Variants in BMPR1B observed in about 807,000 individuals in gnomAD.
BMPR1B encodes the protein bone morphogenetic protein receptor type 1B, also known as bone morphogenetic protein receptor type-1B.
Under a neutral mutation model 59.1 loss-of-function variants are expected in BMPR1B, and 12 were observed. That is an observed-to-expected ratio of 0.20 (90% confidence interval 0.13 to 0.33). BMPR1B has a LOEUF of 0.33. Ranked by LOEUF, BMPR1B falls within the 10% of genes least tolerant of loss-of-function variation. The pLI is 1.00. For missense variants in BMPR1B, 550 were observed against 610.9 expected (o/e 0.90, Z 1.05); for synonymous variants, 237 against 207.3 (o/e 1.14, Z -1.23).
intron 2 of BMPR1B, among the ~76,000 whole-genome samples, chr4:94,993,327 T>C (rs1248825264): frequency 6.6e-6 from 1 of 152,188 alleles, no homozygotes; most frequent in Non-Finnish European, 1.5e-5. Context: ...AATAGTCCTT[T>C]ATTCATAACA....
chr4:94,915,119 A>G (rs553001656), intron 2 of BMPR1B, among the ~76,000 whole-genome samples: 1 of 152,282 alleles, frequency 6.6e-6, no homozygotes, highest in African/African-American at 2.4e-5. Context: ...ACCAATAATA[A>G]ATGCCTTGAA....
chr4:95,053,325 T>C (rs1726665248), intron 3 of BMPR1B, among the ~76,000 whole-genome samples: 1 of 63,786 alleles, frequency 1.6e-5, no homozygotes, highest in South Asian at 4.8e-4. Context: ...GTGTGTGTGA[T>C]GTGCCTGTAC....
chr4:95,102,833 T>C (rs1730921414), intron 3 of BMPR1B, among the ~76,000 whole-genome samples: 1 of 152,076 alleles, frequency 6.6e-6, no homozygotes, highest in Non-Finnish European at 1.5e-5. Flanking sequence ...TATTATTTGC[T>C]TAATCTAGGG....
chr4:94,990,022 A>G (rs1428344659), intron 2 of BMPR1B, among the ~76,000 whole-genome samples: 1 of 152,252 alleles, frequency 6.6e-6, no homozygotes, highest in Non-Finnish European at 1.5e-5. Context: ...AAATTAGCAT[A>G]TTAGCAGTTT....
intron 2 of BMPR1B, among the ~76,000 whole-genome samples, chr4:94,993,760 C>CAAAAAAAA (rs34395946): frequency 5.8e-5 from 4 of 68,590 alleles, no homozygotes; most frequent in Non-Finnish European, 8.3e-5. Context: ...GACTCCATCT[C>CAAAAAAAA]AAAAAAAAAA....
chr4:95,126,964 A>G lies in BMPR1B; in HGVS notation c.585+1843A>G, dbSNP rs189193364. Among the ~76,000 whole-genome samples, 9 of 152,064 alleles carry G rather than the reference A, an allele frequency of 5.9e-5. No individual in the cohort carries two copies. The East Asian group carries it at 1.5e-3, about 26-fold the overall frequency. On this transcript the variant is annotated intron_variant, in intron 8 of 12. Coordinates refer to ENST00000515059, the MANE Select transcript of BMPR1B (RefSeq NM_001203.3). ...CTTTATACGTGCCCTTTAATTTTGC[A>G]TCTTTTCTTTTTCATAAAATGTCAA...
intron 1 of BMPR1B, among the ~76,000 whole-genome samples, chr4:94,865,549 C>G (rs1726188459): frequency 6.6e-6 from 1 of 151,972 alleles, no homozygotes; most frequent in African/African-American, 2.4e-5. Context: ...CGCCGCCACC[C>G]CTGGCTAATT....
intron 3 of BMPR1B, among the ~76,000 whole-genome samples, chr4:95,082,465 G>A (rs1349365572): frequency 2.0e-5 from 3 of 151,996 alleles, no homozygotes; most frequent in Non-Finnish European, 2.9e-5. Flanking sequence ...TAAAATGAGA[G>A]TAGTAACCCT....
At chr4:94,769,610 C>A (rs201173884) in intron 1 of BMPR1B, among the ~76,000 whole-genome samples, 103 of 144,890 alleles carry the variant, frequency 7.1e-4, no homozygotes, top group Admixed American at 1.0e-3. Context: ...AACACCTTCT[C>A]AAAAAAAAAA....
At chr4:95,024,087 G>A (rs529590118) in intron 3 of BMPR1B, among the ~76,000 whole-genome samples, 1 of 152,214 alleles carries the variant, frequency 6.6e-6, no homozygotes, top group Admixed American at 6.5e-5. Flanking sequence ...TTTATTAATA[G>A]CACTATTGAA....
intron 1 of BMPR1B, among the ~76,000 whole-genome samples, chr4:94,791,724 A>G (rs1409263619): frequency 6.6e-6 from 1 of 152,192 alleles, no homozygotes; most frequent in Non-Finnish European, 1.5e-5. Flanking sequence ...GTTAGGAAAA[A>G]CTAACCAAAA....
At chr4:94,759,828 A>G (rs1343541921) in intron 1 of BMPR1B, among the ~76,000 whole-genome samples, 1 of 152,244 alleles carries the variant, frequency 6.6e-6, no homozygotes, top group Non-Finnish European at 1.5e-5. Context: ...GCAATGCAAA[A>G]AAGTTTGTGT....
intron 3 of BMPR1B, among the ~76,000 whole-genome samples, chr4:95,070,133 C>G (rs1164814217): frequency 1.3e-5 from 2 of 152,076 alleles, no homozygotes; most frequent in East Asian, 3.9e-4. Context: ...AACAAACAAA[C>G]AAACAAAAAC....
At chr4:94,998,050 CA>C (rs893774317) in intron 3 of BMPR1B, among the ~76,000 whole-genome samples, 4 of 152,044 alleles carry the variant, frequency 2.6e-5, no homozygotes, top group Non-Finnish European at 5.9e-5. Context: ...AGAAGAAATA[CA>C]AAATTGTGAC....
intron 3 of BMPR1B, among the ~76,000 whole-genome samples, chr4:95,018,393 T>C (rs1385743495): frequency 6.6e-6 from 1 of 152,166 alleles, no homozygotes; most frequent in African/African-American, 2.4e-5. Context: ...AAACAAATAA[T>C]GAAGCCATTT....
intron 2 of BMPR1B, among the ~76,000 whole-genome samples, chr4:94,951,891 CTTT>C (rs1318000161): frequency 1.3e-5 from 2 of 151,906 alleles, no homozygotes; most frequent in Non-Finnish European, 2.9e-5. Flanking sequence ...TGGTCCTGGG[CTTT>C]TTTTGGTTGG....
chr4:94,775,582 T>G (rs1722334623), intron 1 of BMPR1B, among the ~76,000 whole-genome samples: 1 of 152,240 alleles, frequency 6.6e-6, no homozygotes, highest in Non-Finnish European at 1.5e-5. Flanking sequence ...GAATGACATT[T>G]TCCCTTGGAT....
At chr4:95,036,088 A>G (rs889010171) in intron 3 of BMPR1B, among the ~76,000 whole-genome samples, 1 of 151,958 alleles carries the variant, frequency 6.6e-6, no homozygotes, top group African/African-American at 2.4e-5. Flanking sequence ...CAGCTTGGTC[A>G]TTGTTGGTGT....
At chr4:94,895,213 A>G (rs1367707543) in intron 2 of BMPR1B, among the ~76,000 whole-genome samples, 1 of 151,952 alleles carries the variant, frequency 6.6e-6, no homozygotes, top group African/African-American at 2.4e-5. Context: ...AATGTCCCTC[A>G]TTGCTTGGAT....
Sources: gnomAD v4.1 joint callset for allele counts (sites outside exome capture counted in the v4.1 genomes callset) on GRCh38, gnomAD v4.1.1 for gene constraint, MANE v1.5 for transcripts, NCBI Gene and HGNC (gene_info 2026-07-23, HGNC 2026-07-21) for gene names.